WDPCP: variants seen among roughly 807,000 people sequenced by gnomAD.
WDPCP encodes WD repeat containing planar cell polarity effector, also known as WD repeat-containing and planar cell polarity effector protein fritz homolog.
Under a neutral mutation model 93.1 loss-of-function variants are expected in WDPCP, and 71 were observed. That is an observed-to-expected ratio of 0.76 (90% CI 0.63 to 0.93). The LOEUF (loss-of-function observed/expected upper bound fraction) is 0.93. Among genes scored for constraint, WDPCP ranks in the 40% least tolerant of loss-of-function variants. The pLI, the probability that WDPCP is intolerant of heterozygous loss-of-function variation, is 0.00. For synonymous variants in WDPCP, 315 were observed against 315.0 expected, an observed-to-expected ratio of 1.00 and a Z score of 0.00; for missense variants, 844 against 887.4, an observed-to-expected ratio of 0.95 and a Z score of 0.62.
chr2:63,570,034 C>G (rs1310671953), intron 1 of WDPCP, among the ~76,000 whole-genome samples: 1 of 152,142 alleles, frequency 6.6e-6, no homozygotes, highest in African/African-American at 2.4e-5. Context: ...CACCACTTAT[C>G]TCAATACTTA....
At chr2:63,282,094 T>A (rs887920388) in intron 13 of WDPCP, among the ~76,000 whole-genome samples, 2 of 152,154 alleles carry the variant, frequency 1.3e-5, no homozygotes, top group Admixed American at 6.5e-5. Context: ...AAAAGTATTA[T>A]AGAACCACAA....
At chr2:63,254,274 T>C (rs1680963502) in intron 14 of WDPCP, among the ~76,000 whole-genome samples, 1 of 152,148 alleles carries the variant, frequency 6.6e-6, no homozygotes, top group Non-Finnish European at 1.5e-5. Context: ...TTGGGTACTA[T>C]TGCTTACTAC....
chr2:63,519,475 C>T (rs1702782977), intron 1 of WDPCP, among the ~76,000 whole-genome samples: 1 of 152,192 alleles, frequency 6.6e-6, no homozygotes, highest in African/African-American at 2.4e-5. Context: ...TGACACTGCC[C>T]AAAGAGCTTT....
chr2:63,812,856 C>T (rs971857504), intron 2 of WDPCP, among the ~76,000 whole-genome samples: 4 of 151,692 alleles, frequency 2.6e-5, no homozygotes, highest in Non-Finnish European at 4.4e-5. Context: ...TTCTGGGTCA[C>T]GTAAGTTTTA....
At chr2:63,615,421 T>A (rs907218845) in intron 3 of WDPCP, among the ~76,000 whole-genome samples, 1 of 152,050 alleles carries the variant, frequency 6.6e-6, no homozygotes, top group South Asian at 2.1e-4. Flanking sequence ...AAATAAGCAA[T>A]GCGAAGAAGC....
chr2:63,714,371 C>T (rs1021211746), intron 2 of WDPCP, among the ~76,000 whole-genome samples: 3 of 152,054 alleles, frequency 2.0e-5, no homozygotes, highest in African/African-American at 7.2e-5. Context: ...CCTGGCCTTC[C>T]TTTTATTCTT....
chr2:63,555,574 C>A (rs776356769), intron 1 of WDPCP, among the ~76,000 whole-genome samples: 1 of 152,154 alleles, frequency 6.6e-6, no homozygotes, highest in Non-Finnish European at 1.5e-5. Context: ...TGCAGGACAC[C>A]TTATACAGGA....
At chr2:63,434,084 A>C in intron 8 of WDPCP, 148 bp from the exon 9 acceptor site, 1 of 778,858 alleles carries the variant, frequency 1.3e-6, no homozygotes, top group South Asian at 1.8e-5. Flanking sequence ...GTCAGAATTT[A>C]CCAAATTCTT....
intron 3 of WDPCP, among the ~76,000 whole-genome samples, chr2:63,630,182 T>C (rs1377476549): frequency 6.6e-6 from 1 of 152,090 alleles, no homozygotes; most frequent in Non-Finnish European, 1.5e-5. Context: ...TTCACAAACG[T>C]ATTCAAGTAA....
chr2:63,141,769 T>C (rs1671075828), intron 17 of WDPCP, among the ~76,000 whole-genome samples: 1 of 152,118 alleles, frequency 6.6e-6, no homozygotes, highest in Non-Finnish European at 1.5e-5. Flanking sequence ...CTCTTTTTTT[T>C]GTTGTTGTTG....
intron 9 of WDPCP, among the ~76,000 whole-genome samples, chr2:63,414,748 G>A (rs950669761): frequency 3.3e-5 from 5 of 152,126 alleles, no homozygotes; most frequent in Middle Eastern, 3.2e-3. Flanking sequence ...GGGGAGAAGC[G>A]ATAAAAGACT....
intron 13 of WDPCP, among the ~76,000 whole-genome samples, chr2:63,298,216 C>G (rs1342769419): frequency 6.6e-6 from 1 of 152,040 alleles, no homozygotes; most frequent in Non-Finnish European, 1.5e-5. Context: ...GAGGGATAGG[C>G]CCCCATGTGG....
At chr2:63,184,927 A>G (rs975814612) in intron 14 of WDPCP, among the ~76,000 whole-genome samples, 2 of 151,948 alleles carry the variant, frequency 1.3e-5, no homozygotes, top group African/African-American at 4.8e-5. Context: ...TCTTTGTCTA[A>G]CTAGATTAAT....
intron 12 of WDPCP, among the ~76,000 whole-genome samples, chr2:63,373,731 T>G (rs1307146875): frequency 6.6e-6 from 1 of 152,136 alleles, no homozygotes; most frequent in Non-Finnish European, 1.5e-5. Flanking sequence ...TTACCCCTAA[T>G]TCTTGCCATC....
Position 63,209,735 on chromosome 2 carries a change from G to C in WDPCP, c.1916-34903C>G, listed in dbSNP as rs114863193. Among the ~76,000 whole-genome samples the C allele has an allele frequency of 5.1e-3, 782 of 152,200 alleles. 5 individuals are homozygous for C. The highest frequency in any genetic ancestry group is 0.018 in the African/African-American group (741 of 41,528). On this transcript the variant is annotated intron_variant, in intron 14 of 17. Coordinates refer to ENST00000272321, the MANE Select transcript of WDPCP (RefSeq NM_015910.7). ...GAATTATCTAGCAGCACAGATTTTA[G>C]TAAAAACAAGGAATAATCCAAACAC...
intron 2 of WDPCP, among the ~76,000 whole-genome samples, chr2:63,756,426 C>A (rs1184369481): frequency 6.6e-6 from 1 of 152,226 alleles, no homozygotes; most frequent in African/African-American, 2.4e-5. Flanking sequence ...TGGCAAAATT[C>A]TTGTCAATGA....
At chr2:63,582,478 G>A (rs909938977) in intron 1 of WDPCP, among the ~76,000 whole-genome samples, 17 of 151,952 alleles carry the variant, frequency 1.1e-4, no homozygotes, top group Admixed American at 7.2e-4. Context: ...CGCAAGAATC[G>A]AAGAGCACAC....
At chr2:63,581,393 C>T (rs945298870) in intron 1 of WDPCP, among the ~76,000 whole-genome samples, 2 of 152,136 alleles carry the variant, frequency 1.3e-5, no homozygotes, top group African/African-American at 4.8e-5. Flanking sequence ...ACAGCACATG[C>T]ATATGATCAA....
intron 13 of WDPCP, among the ~76,000 whole-genome samples, chr2:63,298,085 A>G (rs1016861294): frequency 1.3e-5 from 2 of 152,144 alleles, no homozygotes; most frequent in Admixed American, 1.3e-4. Context: ...ATAGGAATGC[A>G]TGGTATCTAA....
Sources: gnomAD v4.1 joint callset for allele counts (sites outside exome capture counted in the v4.1 genomes callset) on GRCh38, gnomAD v4.1.1 for gene constraint, MANE v1.5 for transcripts, NCBI Gene and HGNC (gene_info 2026-07-23, HGNC 2026-07-21) for gene names.